Variants in CSTF3 observed in about 807,000 individuals in gnomAD.
CSTF3 encodes the protein cleavage stimulation factor subunit 3, also known as CF-1 77 kDa subunit.
CSTF3 carries 29 observed loss-of-function variants against 105.8 expected under a neutral mutation model. The observed-to-expected ratio is 0.27, with a 90% confidence interval of 0.20 to 0.37. The LOEUF is 0.37. Among genes scored for constraint, CSTF3 ranks in the 10% least tolerant of loss-of-function variants. The pLI, the probability that CSTF3 is intolerant of heterozygous loss-of-function variation, is 1.00. For missense variants in CSTF3, 357 were observed against 879.3 expected (o/e 0.41, Z 7.51); for synonymous variants, 252 against 281.9 (o/e 0.89, Z 1.06).
At chr11:33,123,144 T>G (rs1317971171) in intron 3 of CSTF3, among the ~76,000 whole-genome samples, 1 of 151,174 alleles carries the variant, frequency 6.6e-6, no homozygotes, top group Non-Finnish European at 1.5e-5. Context: ...GTGCTAACAT[T>G]AAAAGTTTCC....
rs193061485 is a variant in CSTF3, at chr11:33,103,023, C to G, written c.663+84G>C. The stretch of plus-strand genomic sequence containing the variant: ...TAAGATTGCTAATGACTGAAAATAT[C>G]AAGAGTAATACCAGACAGGGAAAGC... On this transcript the variant is annotated intron_variant, in intron 9 of 20. Coordinates refer to ENST00000323959, the MANE Select transcript of CSTF3 (RefSeq NM_001326.3). The G allele has an allele frequency of 2.2e-4, 194 of 863,386 alleles. No individual in the cohort carries two copies. In the East Asian group the frequency reaches 5.5e-3, roughly 25 times the overall value. The allele number at this position is 863,386 out of a possible 1,614,324, so 53.5% of individuals were successfully genotyped here. A position where few individuals can be genotyped will look rare whatever the true frequency, so the allele number is the denominator to read the frequency against.
chr11:33,161,276 GC>G, intron 1 of CSTF3, 22 bp downstream of exon 1: 1 of 1,612,762 alleles, frequency 6.2e-7, no homozygotes, highest in Non-Finnish European at 8.5e-7. Context: ...TCGCCACGAG[GC>G]CCCACCACTC....
At chr11:33,129,027 T>C (rs1678515504) in intron 3 of CSTF3, among the ~76,000 whole-genome samples, 1 of 152,212 alleles carries the variant, frequency 6.6e-6, no homozygotes, top group African/African-American at 2.4e-5. Context: ...GAAAAGTTAA[T>C]AAATTTTAGA....
intron 3 of CSTF3, among the ~76,000 whole-genome samples, chr11:33,125,679 A>G (rs958701536): frequency 7.2e-5 from 11 of 152,164 alleles, no homozygotes; most frequent in African/African-American, 2.7e-4. Flanking sequence ...TTTGGAGCAC[A>G]TAGTTTAAGG....
At position 33,115,357 on chromosome 11, in the gene CSTF3, T is replaced by C. The variant is rs377752492; in HGVS notation, c.226-6939A>G. 5.9e-5 allele frequency among the ~76,000 whole-genome samples: 9 copies of C among 152,338 alleles called. No homozygotes were observed. In the East Asian group the frequency reaches 1.3e-3, roughly 23 times the overall value. ...AGCTATTCTCTAATCCTCTGCAACC[T>C]GAAAAATATCTTGGAAGATTACAGA... On this transcript the variant is annotated intron_variant, in intron 3 of 20. Coordinates refer to ENST00000323959, the MANE Select transcript of CSTF3 (RefSeq NM_001326.3).
intron 15 of CSTF3, 89 bp downstream of exon 15, chr11:33,096,217 A>C: frequency 1.1e-6 from 1 of 901,894 alleles, no homozygotes; most frequent in African/African-American, 1.8e-5. Context: ...TGTCAAAATT[A>C]TAATACATTC....
chr11:33,131,225 C>T (rs1480048066), intron 3 of CSTF3, among the ~76,000 whole-genome samples: 1 of 152,008 alleles, frequency 6.6e-6, no homozygotes, highest in Non-Finnish European at 1.5e-5. Flanking sequence ...CAAAGGATAA[C>T]CTGGCTACAC....
At chr11:33,128,030 A>G (rs755917099) in intron 3 of CSTF3, among the ~76,000 whole-genome samples, 3 of 152,212 alleles carry the variant, frequency 2.0e-5, no homozygotes, top group Non-Finnish European at 4.4e-5. Context: ...TCTGTACAAA[A>G]TAAGTCAATT....
intron 17 of CSTF3, among the ~76,000 whole-genome samples, chr11:33,089,014 C>T (rs778198186): frequency 6.6e-6 from 1 of 152,180 alleles, no homozygotes; most frequent in Non-Finnish European, 1.5e-5. Context: ...GTAAGTCCCT[C>T]ACTTAACATT....
intron 18 of CSTF3, among the ~76,000 whole-genome samples, chr11:33,086,442 CT>C (rs11422800): frequency 2.6e-4 from 39 of 148,580 alleles, no homozygotes; most frequent in Admixed American, 2.7e-4. Flanking sequence ...AGCAGCATTC[CT>C]TTTTTTTTTT....
chr11:33,143,770 T>G (rs543102087), intron 1 of CSTF3, among the ~76,000 whole-genome samples: 2 of 147,918 alleles, frequency 1.4e-5, no homozygotes, highest in Admixed American at 6.8e-5. Flanking sequence ...ACAGGCAGAT[T>G]ACAAGGTCAG....
intron 15 of CSTF3, among the ~76,000 whole-genome samples, chr11:33,094,044 C>T (rs753921201): frequency 5.5e-4 from 84 of 152,142 alleles, no homozygotes; most frequent in Middle Eastern, 3.2e-3. Flanking sequence ...ACCTAATAGT[C>T]TAGTGACTAC....
chr11:33,109,416 T>A (rs1855358383), intron 3 of CSTF3, among the ~76,000 whole-genome samples: 1 of 152,228 alleles, frequency 6.6e-6, no homozygotes, highest in South Asian at 2.1e-4. Flanking sequence ...CTTTTGCTGA[T>A]AACTTGTTCT....
chr11:33,152,644 G>T (rs1282770736), intron 1 of CSTF3, among the ~76,000 whole-genome samples: 2 of 152,164 alleles, frequency 1.3e-5, no homozygotes, highest in African/African-American at 4.8e-5. Context: ...ATTTTGTAAA[G>T]GATTGCTTCA....
intron 3 of CSTF3, among the ~76,000 whole-genome samples, chr11:33,116,169 A>G (rs570599901): frequency 6.6e-6 from 1 of 152,316 alleles, no homozygotes; most frequent in South Asian, 2.1e-4. Context: ...ATTTAGTTTC[A>G]TTTTAATTCC....
intron 3 of CSTF3, among the ~76,000 whole-genome samples, chr11:33,118,081 A>ATT (rs200228683): frequency 1.4e-5 from 2 of 142,440 alleles, no homozygotes; most frequent in Non-Finnish European, 3.1e-5. Context: ...CAGATTAGGG[A>ATT]TTTTTTTTTT....
At chr11:33,125,126 G>C (rs1275473567) in intron 3 of CSTF3, among the ~76,000 whole-genome samples, 1 of 152,064 alleles carries the variant, frequency 6.6e-6, no homozygotes, top group Non-Finnish European at 1.5e-5. Flanking sequence ...TCTACTTCTA[G>C]AACTTCAAGT....
intron 12 of CSTF3, 42 bp downstream of exon 12, chr11:33,098,992 A>G (rs770788344): frequency 6.5e-7 from 1 of 1,544,534 alleles, no homozygotes; most frequent in Non-Finnish European, 8.6e-7. Flanking sequence ...GTCCTGCACT[A>G]AAAAATTGAA....
At chr11:33,085,367 T>TAGTTTA in intron 20 of CSTF3, 78 bp from the exon 21 acceptor site, 17 of 1,251,630 alleles carry the variant, frequency 1.4e-5, no homozygotes, top group Admixed American at 5.7e-5. Context: ...GGATACTTTA[T>TAGTTTA]TTCATAGCCT....
Sources: allele counts gnomAD v4.1 joint callset (sites outside exome capture counted in the v4.1 genomes callset), GRCh38; gene constraint gnomAD v4.1.1; transcripts MANE v1.5; gene names NCBI Gene and HGNC (gene_info 2026-07-23, HGNC 2026-07-21).